Variants in KIF13B observed in about 807,000 individuals in gnomAD.
The protein encoded by KIF13B is kinesin family member 13B.
KIF13B carries 127 observed loss-of-function variants against 222.0 expected under a neutral mutation model. That is an observed-to-expected ratio of 0.57 (90% CI 0.50 to 0.66). The LOEUF (loss-of-function observed/expected upper bound fraction) is 0.66. Ranked by LOEUF, KIF13B falls within the 30% of genes least tolerant of loss-of-function variation. The pLI, the probability that KIF13B is intolerant of heterozygous loss-of-function variation, is 0.00. For missense variants in KIF13B, 2,173 were observed against 2,379.0 expected, an observed-to-expected ratio of 0.91 and a Z score of 1.80; for synonymous variants, 976 against 919.0, an observed-to-expected ratio of 1.06 and a Z score of -1.12.
intron 3 of KIF13B, among the ~76,000 whole-genome samples, chr8:29,192,685 GTTAA>G (rs952090324): frequency 5.3e-5 from 8 of 151,994 alleles, no homozygotes; most frequent in African/African-American, 1.9e-4. Context: ...AGTCTAAAAG[GTTAA>G]TTTTTTTAAG....
At chr8:29,208,083 A>G (rs574254850) in intron 2 of KIF13B, among the ~76,000 whole-genome samples, 2 of 152,326 alleles carry the variant, frequency 1.3e-5, no homozygotes, top group African/African-American at 4.8e-5. Context: ...GTTCATCATG[A>G]AAAGGATGCT....
chr8:29,221,134 A>C (rs1814729024), intron 2 of KIF13B, among the ~76,000 whole-genome samples: 1 of 121,994 alleles, frequency 8.2e-6, no homozygotes, highest in Non-Finnish European at 1.6e-5. Context: ...ATGGAGTCTC[A>C]CTCTGTCACC....
chr8:29,156,977 T>C (rs913243071), intron 13 of KIF13B, among the ~76,000 whole-genome samples: 1 of 152,176 alleles, frequency 6.6e-6, no homozygotes, highest in African/African-American at 2.4e-5. Flanking sequence ...TGGATGGCAC[T>C]ACCACCACCA....
At chr8:29,206,353 A>G (rs1813940184) in intron 2 of KIF13B, among the ~76,000 whole-genome samples, 1 of 152,210 alleles carries the variant, frequency 6.6e-6, no homozygotes, top group Non-Finnish European at 1.5e-5. Flanking sequence ...TGCCATCATT[A>G]TTGTGATTCT....
chr8:29,087,038 C>A (rs549912754), intron 37 of KIF13B, among the ~76,000 whole-genome samples: 1 of 152,208 alleles, frequency 6.6e-6, no homozygotes, highest in Non-Finnish European at 1.5e-5. Context: ...CCAGTGTGTG[C>A]GCAGGGCAGT....
Position 29,184,333 on chromosome 8 carries a change from T to A in KIF13B, c.497+1959A>T, listed in dbSNP as rs537009280. On this transcript the variant is annotated intron_variant, in intron 6 of 39. Coordinates refer to ENST00000524189, the MANE Select transcript of KIF13B (RefSeq NM_015254.4). ...ATCTTCAGAAACTAAAAAAAAAAAA[T>A]TTCCAAGAAATTTTCACTGGGGAGA... Among the ~76,000 whole-genome samples the A allele has an allele frequency of 4.3e-3, 653 of 151,974 alleles. 1 individual carries two copies. Among genetic ancestry groups the A allele is most frequent in the African/African-American group, 0.015 (619 of 41,462 alleles).
chr8:29,133,185 T>C (rs1488151375), intron 22 of KIF13B, among the ~76,000 whole-genome samples: 1 of 152,200 alleles, frequency 6.6e-6, no homozygotes, highest in South Asian at 2.1e-4. Context: ...ATAGTCCACA[T>C]TCTGCTGCTC....
chr8:29,183,028 A>G (rs1812776603), intron 6 of KIF13B, among the ~76,000 whole-genome samples: 1 of 152,160 alleles, frequency 6.6e-6, no homozygotes, highest in Non-Finnish European at 1.5e-5. Context: ...CAAATTATAA[A>G]AAAGAATGTC....
chr8:29,194,704 T>C (rs1220344849), intron 3 of KIF13B, among the ~76,000 whole-genome samples: 1 of 152,204 alleles, frequency 6.6e-6, no homozygotes, highest in African/African-American at 2.4e-5. Flanking sequence ...ACTGGACAAG[T>C]CTTTTCTTTC....
chr8:29,119,974 G>T (rs773455841), intron 29 of KIF13B, among the ~76,000 whole-genome samples: 2 of 152,138 alleles, frequency 1.3e-5, no homozygotes, highest in African/African-American at 2.4e-5. Context: ...GAGAGTTAAC[G>T]TTAATACATA....
At chr8:29,208,175 A>C (rs1397581695) in intron 2 of KIF13B, among the ~76,000 whole-genome samples, 1 of 152,218 alleles carries the variant, frequency 6.6e-6, no homozygotes, top group Non-Finnish European at 1.5e-5. Flanking sequence ...GGTTGAAATG[A>C]CCAAAAAAGT....
chr8:29,152,927 C>G (rs1811365632), intron 14 of KIF13B, among the ~76,000 whole-genome samples: 1 of 152,160 alleles, frequency 6.6e-6, no homozygotes, highest in Admixed American at 6.5e-5. Flanking sequence ...AATGTTATTG[C>G]ACAATTAGTA....
intron 2 of KIF13B, among the ~76,000 whole-genome samples, chr8:29,218,535 T>A (rs1338091330): frequency 1.3e-5 from 2 of 152,308 alleles, no homozygotes; most frequent in Non-Finnish European, 2.9e-5. Flanking sequence ...AACAGCTCTA[T>A]AACAGCAGGT....
Position 29,070,262 on chromosome 8 carries a change from C to T in KIF13B, c.*242G>A, listed in dbSNP as rs1022731963. 1.9e-5 allele frequency: 11 copies of T among 565,352 alleles called. No homozygotes were observed. Among genetic ancestry groups the T allele is most frequent in the Admixed American group, 3.3e-5 (1 of 30,528 alleles). 35.0% of individuals were successfully genotyped at this position (565,352 alleles called of 1,614,324 possible). On this transcript the variant is annotated 3_prime_UTR_variant, in exon 40 of 40. Transcript: ENST00000524189. The surrounding 1 kb of genome is among the most constrained non-coding windows in gnomAD (Gnocchi z 4.1). ...CAGTCCTAGCATCCCCCAGCCCCTG[C>T]GGGCACCCAGAACCTTCCATCCACC...
At chr8:29,191,218 T>C (rs1813168956) in intron 3 of KIF13B, among the ~76,000 whole-genome samples, 161 bp from the exon 4 acceptor site, 1 of 152,208 alleles carries the variant, frequency 6.6e-6, no homozygotes, top group Non-Finnish European at 1.5e-5. Flanking sequence ...AAACATGCTA[T>C]AGGTGATATG....
chr8:29,201,481 C>CA (rs777583190), intron 2 of KIF13B, among the ~76,000 whole-genome samples: 17 of 151,848 alleles, frequency 1.1e-4, no homozygotes, highest in East Asian at 9.6e-4. Flanking sequence ...GTCCATGACA[C>CA]AAAAAAAATT....
chr8:29,104,504 A>G, intron 35 of KIF13B, among the ~76,000 whole-genome samples: 1 of 152,188 alleles, frequency 6.6e-6, no homozygotes, highest in East Asian at 1.9e-4. Flanking sequence ...AACTGCATAC[A>G]TTTGTACCAT....
chr8:29,117,224 C>A (rs895534096), intron 30 of KIF13B, among the ~76,000 whole-genome samples: 11 of 152,164 alleles, frequency 7.2e-5, no homozygotes, highest in Admixed American at 2.0e-4. Flanking sequence ...GGCTGGCTTA[C>A]TTTTAAAATT....
At chr8:29,130,480 A>G in intron 24 of KIF13B, 53 bp downstream of exon 24, 2 of 1,591,318 alleles carry the variant, frequency 1.3e-6, no homozygotes, top group Non-Finnish European at 1.7e-6. Flanking sequence ...AGAAGCCAAT[A>G]TTAAGCTTTC....
Sources: allele counts gnomAD v4.1 joint callset (sites outside exome capture counted in the v4.1 genomes callset), GRCh38; gene constraint gnomAD v4.1.1; non-coding constraint Gnocchi (gnomAD v3.1); transcripts MANE v1.5; gene names NCBI Gene and HGNC (gene_info 2026-07-23, HGNC 2026-07-21).